KCNB2: variants seen among roughly 807,000 people sequenced by gnomAD.
KCNB2 encodes delayed rectifier potassium channel protein.
In KCNB2, 15 loss-of-function variants were observed where a neutral mutation model predicts 61.5. The ratio of observed to expected loss-of-function variants is 0.24; its 90% CI spans 0.16 to 0.38. KCNB2 has a LOEUF of 0.38. KCNB2 is among the 10% of genes least tolerant of loss of function. KCNB2 has a pLI of 1.00. For synonymous variants in KCNB2, 457 were observed against 446.0 expected (o/e 1.02, Z -0.31); for missense variants, 828 against 1,125.2 (o/e 0.74, Z 3.78).
At chr8:72,846,358 C>T (rs1469833056) in intron 2 of KCNB2, among the ~76,000 whole-genome samples, 2 of 152,066 alleles carry the variant, frequency 1.3e-5, no homozygotes, top group African/African-American at 2.4e-5. Flanking sequence ...TGGGCAAGGA[C>T]TTCATGACTA....
chr8:72,733,819 A>G (rs1807792250), intron 2 of KCNB2, among the ~76,000 whole-genome samples: 1 of 151,956 alleles, frequency 6.6e-6, no homozygotes, highest in African/African-American at 2.4e-5. Flanking sequence ...GGCACCTGCT[A>G]TGAGCACTGA....
intron 1 of KCNB2, among the ~76,000 whole-genome samples, chr8:72,557,727 T>C (rs1806450761): frequency 6.6e-6 from 1 of 152,204 alleles, no homozygotes; most frequent in Non-Finnish European, 1.5e-5. Context: ...CTCTTGTGCA[T>C]ACCTGACAGG....
intron 2 of KCNB2, among the ~76,000 whole-genome samples, chr8:72,679,246 G>A (rs940955084): frequency 2.6e-5 from 4 of 152,146 alleles, no homozygotes; most frequent in South Asian, 2.1e-4. Context: ...AGCAGTAAAC[G>A]CAACATCCAA....
chr8:72,561,778 G>A (rs13252929), intron 1 of KCNB2, among the ~76,000 whole-genome samples: 1 of 34,338 alleles, frequency 2.9e-5, no homozygotes, highest in Non-Finnish European at 5.8e-5. Flanking sequence ...TATATATATG[G>A]ATATATATAT....
At chr8:72,690,741 C>A (rs1423561191) in intron 2 of KCNB2, among the ~76,000 whole-genome samples, 1 of 152,132 alleles carries the variant, frequency 6.6e-6, no homozygotes, top group Non-Finnish European at 1.5e-5. Context: ...TATAAAAGTA[C>A]ATTATGATTA....
chr8:72,613,922 C>T (rs986756240), intron 2 of KCNB2, among the ~76,000 whole-genome samples: 17 of 152,160 alleles, frequency 1.1e-4, no homozygotes, highest in African/African-American at 2.9e-4. Context: ...GTTCTCAATA[C>T]GCAGAGATTA....
intron 2 of KCNB2, among the ~76,000 whole-genome samples, chr8:72,718,004 G>T (rs1414568111): frequency 6.6e-6 from 1 of 151,680 alleles, no homozygotes; most frequent in Non-Finnish European, 1.5e-5. Flanking sequence ...GTGGGCAAAG[G>T]ATATGAACAG....
chr8:72,814,122 C>G (rs1164735249), intron 2 of KCNB2, among the ~76,000 whole-genome samples: 1 of 151,922 alleles, frequency 6.6e-6, no homozygotes, highest in East Asian at 1.9e-4. Context: ...TTTTTTGTAT[C>G]TAGTTTCTTT....
chr8:72,667,567 C>G (rs536128284), intron 2 of KCNB2, among the ~76,000 whole-genome samples: 25 of 152,224 alleles, frequency 1.6e-4, no homozygotes, highest in African/African-American at 5.8e-4. Flanking sequence ...TGTGATTCAT[C>G]TTTTCCCTCC....
chr8:72,850,051 A>G (rs12114299), intron 2 of KCNB2, among the ~76,000 whole-genome samples: 129,696 of 152,052 alleles, frequency 0.85, 56,281 homozygotes, highest in Middle Eastern at 0.97. Flanking sequence ...TGGACACCCA[A>G]CAAATGTTTG....
chr8:72,698,668 A>G (rs1475888511), intron 2 of KCNB2, among the ~76,000 whole-genome samples: 2 of 152,182 alleles, frequency 1.3e-5, no homozygotes, highest in Admixed American at 1.3e-4. Flanking sequence ...AAACAGACGC[A>G]TATACCAACT....
chr8:72,603,508 C>G (rs1475784532), intron 2 of KCNB2, among the ~76,000 whole-genome samples: 1 of 152,210 alleles, frequency 6.6e-6, no homozygotes, highest in Admixed American at 6.5e-5. Flanking sequence ...ACTCCCATAA[C>G]ACTGTGCTTA....
At chr8:72,725,510 CATATATATATATAT>C (rs774224955) in intron 2 of KCNB2, among the ~76,000 whole-genome samples, 26 of 58,910 alleles carry the variant, frequency 4.4e-4, no homozygotes, top group African/African-American at 1.6e-3. Flanking sequence ...TCTTTGTCTT[CATATATATATATAT>C]ATATATATAT....
intron 2 of KCNB2, among the ~76,000 whole-genome samples, chr8:72,574,931 G>T (rs991062689): frequency 3.3e-5 from 5 of 152,126 alleles, no homozygotes; most frequent in African/African-American, 1.2e-4. Flanking sequence ...TGTCCACTTT[G>T]GAAGACTCTA....
chr8:72,864,540 C>T (rs1241708163), intron 2 of KCNB2, among the ~76,000 whole-genome samples: 1 of 152,184 alleles, frequency 6.6e-6, no homozygotes, highest in East Asian at 1.9e-4. Flanking sequence ...CCATTAAGGT[C>T]AACCTACAGT....
intron 2 of KCNB2, among the ~76,000 whole-genome samples, chr8:72,905,787 G>A (rs748329654): frequency 8.5e-5 from 13 of 152,096 alleles, no homozygotes; most frequent in Non-Finnish European, 1.9e-4. Context: ...CACCAAGAAC[G>A]TTGGGGAAAC....
chr8:72,665,759 C>A (rs1030378339), intron 2 of KCNB2, among the ~76,000 whole-genome samples: 4 of 152,204 alleles, frequency 2.6e-5, no homozygotes, highest in Non-Finnish European at 4.4e-5. Flanking sequence ...TTACTCCCAG[C>A]CAAAAACTTA....
chr8:72,584,671 A>G (rs1185958497), intron 2 of KCNB2, among the ~76,000 whole-genome samples: 1 of 152,160 alleles, frequency 6.6e-6, no homozygotes, highest in Non-Finnish European at 1.5e-5. Context: ...AAACCACAGC[A>G]AATATCTTTG....
intron 2 of KCNB2, among the ~76,000 whole-genome samples, chr8:72,716,026 A>G (rs969844359): frequency 6.6e-6 from 1 of 152,256 alleles, no homozygotes; most frequent in Non-Finnish European, 1.5e-5. Context: ...AGAGAATACT[A>G]TAAACATCTC....
Sources: allele counts gnomAD v4.1 joint callset (sites outside exome capture counted in the v4.1 genomes callset), GRCh38; gene constraint gnomAD v4.1.1; transcripts MANE v1.5; gene names NCBI Gene and HGNC (gene_info 2026-07-23, HGNC 2026-07-21).